Variants in COCH observed in about 807,000 individuals in gnomAD.
COCH encodes coagulation factor C homolog, cochlin (Limulus polyphemus).
A neutral mutation model predicts 54.8 loss-of-function variants in COCH; 40 were observed. That is an observed-to-expected ratio of 0.73 (90% CI 0.57 to 0.95). The LOEUF (loss-of-function observed/expected upper bound fraction) is 0.95, where lower values mean the gene tolerates loss of function less well. Ranked by LOEUF, COCH falls within the 40% of genes least tolerant of loss-of-function variation. COCH has a pLI of 0.00. For missense variants in COCH, 605 were observed against 675.0 expected (o/e 0.90, Z 1.15); for synonymous variants, 256 against 237.9 (o/e 1.08, Z -0.70).
chr14:30,895,437 C>G (rs1248312614), downstream of COCH: 1 of 1,606,410 alleles, frequency 6.2e-7, no homozygotes, highest in Admixed American at 1.7e-5. Flanking sequence ...GCAAGAGCAT[C>G]AGCTCCTGCA....
At position 30,880,719 on chromosome 14, in the gene COCH, G is replaced by T; in HGVS notation, c.614G>T (p.Gly205Val). Residue 205 changes from glycine (G) to valine (V), a missense_variant, in exon 8 of 12, where the codon GGC (glycine) becomes GTC (valine). By Grantham distance (109) the Gly-to-Val change is moderately radical (BLOSUM62 -3). Transcript: ENST00000396618. The stretch of plus-strand genomic sequence containing the variant: ...ATTGGAACAGAAGGACCACATGTGG[G>T]CCTTGTTCAAGCCAGGTACCAACCT... ...LGIGTEGPHV[G>V]LVQASEHPKI... The T allele has an allele frequency of 1.2e-6, 2 of 1,612,744 alleles. No homozygotes were observed. The highest frequency in any genetic ancestry group is 1.7e-6 in the Non-Finnish European group (2 of 1,178,866).
intron 9 of COCH, chr14:30,884,876 G>C: frequency 6.4e-7 from 1 of 1,556,330 alleles, no homozygotes; most frequent in Non-Finnish European, 8.6e-7. Flanking sequence ...ATAAAGCATG[G>C]TGATTTAGAA....
intron 10 of COCH, 27 bp downstream of exon 10, chr14:30,885,647 T>TACA: frequency 6.7e-7 from 1 of 1,488,694 alleles, no homozygotes; most frequent in South Asian, 1.1e-5. Flanking sequence ...TATCTTCTGT[T>TACA]ACAGTGATGG....
chr14:30,877,214 G>A lies in COCH; in HGVS notation c.83-358G>A, dbSNP rs1407694662. 7.7e-6 allele frequency: 2 copies of A among 259,700 alleles called. No homozygotes were observed. Among genetic ancestry groups the A allele is most frequent in the Non-Finnish European group, 1.5e-5 (2 of 133,870 alleles). The allele number at this position is 259,700 out of a possible 1,614,324, so 16.1% of individuals were successfully genotyped here. ...ACCTGGTTAAGAACTGAGAAGCCAGGCACAGTGGCACACCTGTAATCCCAG... is the reference window on the plus strand; with the variant it reads ...ACCTGGTTAAGAACTGAGAAGCCAGACACAGTGGCACACCTGTAATCCCAG... On this transcript the variant is annotated intron_variant, in intron 3 of 11. Coordinates refer to ENST00000396618, the MANE Select transcript of COCH (RefSeq NM_004086.3). The surrounding 1 kb of genome is among the most constrained non-coding windows in gnomAD (Gnocchi z 8.6).
chr14:30,887,701 A>C (rs1336304631), intron 11 of COCH, among the ~76,000 whole-genome samples: 1 of 152,152 alleles, frequency 6.6e-6, no homozygotes, highest in South Asian at 2.1e-4. Context: ...TAATGACATA[A>C]CCTTTTTCCT....
chr14:30,885,073 G>C lies in COCH; in HGVS notation c.734-321G>C, dbSNP rs1024038387. 3.2e-6 allele frequency: 5 copies of C among 1,582,092 alleles called. No individual in the cohort carries two copies. The Admixed American group carries it at 7.2e-5, about 23-fold the overall frequency. ...ATCAGTCACCAAAGGGCTACATAGAGAGCACATGCATGGAAGTGGGAATCA... is the reference window on the plus strand; with the variant it reads ...ATCAGTCACCAAAGGGCTACATAGACAGCACATGCATGGAAGTGGGAATCA... On this transcript the variant is annotated intron_variant, in intron 9 of 11. Coordinates refer to ENST00000396618, the MANE Select transcript of COCH (RefSeq NM_004086.3).
chr14:30,875,016 G>C (rs1566404763), intron 2 of COCH, 40 bp from the exon 3 acceptor site: 1 of 1,612,854 alleles, frequency 6.2e-7, no homozygotes, highest in South Asian at 1.1e-5. Context: ...GCTCCGCTGG[G>C]TGGAGGCTGG....
chr14:30,887,297 G>T (rs148474190), intron 11 of COCH, among the ~76,000 whole-genome samples: 8 of 152,028 alleles, frequency 5.3e-5, no homozygotes, highest in African/African-American at 1.9e-4. Context: ...AGGAGGCTGA[G>T]GCACGAGAAT....
chr14:30,892,828 A>ACAG (rs375963515), downstream of COCH, among the ~76,000 whole-genome samples: 11 of 151,538 alleles, frequency 7.3e-5, no homozygotes, highest in African/African-American at 2.7e-4. Flanking sequence ...AAAAAAACAA[A>ACAG]AAACTTGAAA....
At position 30,878,822 on chromosome 14, in the gene COCH, G is replaced by A. The variant is rs1594373421; in HGVS notation, c.251G>A (p.Ser84Asn). The change falls in exon 5 of 12, where the codon AGC becomes AAC. Residue 84 changes from serine to asparagine, a missense_variant. Coordinates refer to ENST00000396618, the MANE Select transcript of COCH (RefSeq NM_004086.3). ...CGAAVHRGVI[S>N]NSGGPVRVYS... ...TTCTTGTGTTACAGGGGAGTAATCA[G>A]CAACTCAGGGGGACCTGTACGAGTC... The A allele has an allele frequency of 6.2e-7, 1 of 1,614,152 alleles. No individual in the cohort carries two copies. The highest frequency in any genetic ancestry group is 8.5e-7 in the Non-Finnish European group (1 of 1,180,018).
chr14:30,890,268 A>G lies in COCH; in HGVS notation c.*477A>G. ...TGACCCAAGTGGATATTTTCTTAAA[A>G]CCAATCAATAATAGCTAGCTATTAC... On this transcript the variant is annotated 3_prime_UTR_variant, in exon 12 of 12. Coordinates refer to ENST00000396618, the MANE Select transcript of COCH (RefSeq NM_004086.3). 1.0e-6 allele frequency: 1 copy of G among 986,086 alleles called. No individual in the cohort carries two copies. Among genetic ancestry groups the G allele is most frequent in the South Asian group, 4.7e-5 (1 of 21,368 alleles). 61.1% of individuals were successfully genotyped at this position (986,086 alleles called of 1,614,324 possible).
chr14:30,879,525 G>A (rs1028885000), intron 6 of COCH, 40 bp downstream of exon 6: 4 of 1,593,786 alleles, frequency 2.5e-6, no homozygotes, highest in Non-Finnish European at 3.4e-6. Flanking sequence ...GCCCGGCACA[G>A]CATTTGGAAG....
downstream of COCH, among the ~76,000 whole-genome samples, chr14:30,892,852 C>T (rs559175217): frequency 3.3e-5 from 5 of 151,632 alleles, no homozygotes; most frequent in South Asian, 6.2e-4. Context: ...TTTAGATTTT[C>T]GTCAATGACT....
At chr14:30,890,803 T>A (rs1895956788), downstream of COCH, among the ~76,000 whole-genome samples, 1 of 152,078 alleles carries the variant, frequency 6.6e-6, no homozygotes, top group South Asian at 2.1e-4. Flanking sequence ...TTTGGGAGGC[T>A]GAAGCAGGAG....
rs1895717799 is a variant in COCH at position 30,884,610 on chromosome 14, G to C, written c.687G>C (p.Leu229Phe). ...ACTTTACATCAGCCAAAGATGTTTT[G>C]TTTGCCATAAAGGAAGTAGGTTTCA... ...LKNFTSAKDVLFAIKEVGFRG... is the reference protein window; with the variant it reads ...LKNFTSAKDVFFAIKEVGFRG... The change falls in exon 9 of 12, where the codon TTG (leucine) becomes TTC (phenylalanine). Residue 229 changes from leucine (L) to phenylalanine (F), a missense_variant. Leu to Phe is a conservative substitution (Grantham distance 22). Coordinates refer to ENST00000396618, the MANE Select transcript of COCH (RefSeq NM_004086.3). 2 of 1,613,782 alleles carry C rather than the reference G, an allele frequency of 1.2e-6. No homozygotes were observed. Among genetic ancestry groups the C allele is most frequent in the Non-Finnish European group, 1.7e-6 (2 of 1,179,822 alleles).
chr14:30,877,834 C>T lies in COCH; in HGVS notation c.239+106C>T. 6.4e-7 allele frequency: 1 copy of T among 1,553,136 alleles called. No homozygotes were observed. ...CCTCCCTGCATTCTTTCTTTTGTTG[C>T]CATTGTGGCCACAGAAAATGGATAT... is the stretch of plus-strand genomic sequence containing the variant. On this transcript the variant is annotated intron_variant, in intron 4 of 11. Transcript: ENST00000396618. The surrounding 1 kb of genome is among the most constrained non-coding windows in gnomAD (Gnocchi z 8.6).
intron 9 of COCH, chr14:30,884,974 A>G (rs748532405): frequency 3.7e-5 from 59 of 1,598,240 alleles, no homozygotes; most frequent in Non-Finnish European, 4.7e-5. Flanking sequence ...AGACTTATCT[A>G]ATGAATGCAG....
chr14:30,881,788 C>T (rs1895596651), intron 8 of COCH, among the ~76,000 whole-genome samples: 1 of 149,758 alleles, frequency 6.7e-6, no homozygotes, highest in South Asian at 2.1e-4. Context: ...GAAACCCCGT[C>T]TCTACTAAAA....
Position 30,889,756 on chromosome 14 carries a change from G to A in COCH, c.1618G>A (p.Gly540Ser). Residue 540 changes from glycine to serine, a missense_variant, in exon 12 of 12, where the codon GGC becomes AGC. Gly to Ser is a moderately conservative substitution (Grantham distance 56). Transcript: ENST00000396618. ...LEPIVSDVIR[G>S]ICRDFLESQQ ...ACCAATTGTTTCTGATGTCATCAGA[G>A]GCATTTGTAGAGATTTCTTAGAATC... The A allele has an allele frequency of 6.2e-7, 1 of 1,611,076 alleles. No individual in the cohort carries two copies. The highest frequency in any genetic ancestry group is 2.2e-5 in the East Asian group (1 of 44,766).
Sources: allele counts gnomAD v4.1 joint callset (sites outside exome capture counted in the v4.1 genomes callset), GRCh38; gene constraint gnomAD v4.1.1; non-coding constraint Gnocchi (gnomAD v3.1); transcripts MANE v1.5; gene names NCBI Gene and HGNC (gene_info 2026-07-23, HGNC 2026-07-21).